Variants in TMEM232 observed in about 807,000 individuals in gnomAD.
TMEM232 encodes the protein transmembrane protein 232.
TMEM232 carries 80 observed loss-of-function variants against 78.8 expected under a neutral mutation model. That is an observed-to-expected ratio of 1.01 (90% CI 0.85 to 1.22). The LOEUF (loss-of-function observed/expected upper bound fraction) is 1.22, where lower values mean the gene tolerates loss of function less well. TMEM232 is among the 50% of genes most tolerant of loss of function. TMEM232 has a pLI of 0.00. For missense variants in TMEM232, 881 were observed against 742.2 expected, an observed-to-expected ratio of 1.19 and a Z score of -2.17; for synonymous variants, 297 against 254.3, an observed-to-expected ratio of 1.17 and a Z score of -1.60.
chr5:110,654,397 T>A (rs1225206127), intron 2 of TMEM232, among the ~76,000 whole-genome samples: 1 of 152,212 alleles, frequency 6.6e-6, no homozygotes, highest in Non-Finnish European at 1.5e-5. Flanking sequence ...CACCATTTAT[T>A]AAATAGGGAA....
At chr5:110,546,838 A>T (rs1020763704) in intron 11 of TMEM232, among the ~76,000 whole-genome samples, 4 of 152,146 alleles carry the variant, frequency 2.6e-5, no homozygotes, top group Non-Finnish European at 2.9e-5. Context: ...AAATATTATA[A>T]GTTGGTTTAA....
intron 2 of TMEM232, among the ~76,000 whole-genome samples, chr5:110,414,296 T>C (rs1457431284): frequency 6.6e-6 from 1 of 152,208 alleles, no homozygotes; most frequent in Non-Finnish European, 1.5e-5. Flanking sequence ...TATTATATTT[T>C]CTGTCCTGTT....
At chr5:110,493,621 C>T (rs1349262421) in intron 12 of TMEM232, among the ~76,000 whole-genome samples, 1 of 151,966 alleles carries the variant, frequency 6.6e-6, no homozygotes, top group African/African-American at 2.4e-5. Flanking sequence ...ATTGGCTACT[C>T]TTATGGAAAA....
chr5:110,491,602 A>G (rs1765102928), intron 12 of TMEM232, among the ~76,000 whole-genome samples: 1 of 152,052 alleles, frequency 6.6e-6, no homozygotes, highest in Non-Finnish European at 1.5e-5. Context: ...AATTGTTTTA[A>G]TATACTAAAA....
intron 12 of TMEM232, among the ~76,000 whole-genome samples, chr5:110,465,850 A>C (rs1762018028): frequency 6.6e-6 from 1 of 152,200 alleles, no homozygotes; most frequent in African/African-American, 2.4e-5. Flanking sequence ...TTATTAAGTT[A>C]GTTCTCCAAT....
intron 11 of TMEM232, among the ~76,000 whole-genome samples, chr5:110,552,594 G>A (rs1216890674): frequency 1.3e-5 from 2 of 151,938 alleles, no homozygotes; most frequent in African/African-American, 2.4e-5. Context: ...ATACTAATAT[G>A]AAAAAGATCA....
intron 5 of TMEM232, among the ~76,000 whole-genome samples, chr5:110,628,583 A>C (rs547821717): frequency 3.9e-5 from 6 of 152,178 alleles, no homozygotes; most frequent in African/African-American, 1.4e-4. Context: ...ATTATAAAAA[A>C]CACATTAACT....
intron 1 of TMEM232, among the ~76,000 whole-genome samples, chr5:110,716,330 C>T (rs542205786): frequency 2.1e-4 from 32 of 152,176 alleles, no homozygotes; most frequent in Admixed American, 7.2e-4. Flanking sequence ...ATTCCATTTA[C>T]GATGCACTTT....
At chr5:110,510,552 CCTAA>C (rs767867502) in intron 12 of TMEM232, among the ~76,000 whole-genome samples, 18 of 151,972 alleles carry the variant, frequency 1.2e-4, no homozygotes, top group Non-Finnish European at 2.4e-4. Flanking sequence ...TCATGTTCTC[CCTAA>C]CTAACAAAGC....
chr5:110,686,842 T>A (rs1258690157), intron 1 of TMEM232, among the ~76,000 whole-genome samples: 1 of 152,158 alleles, frequency 6.6e-6, no homozygotes, highest in Non-Finnish European at 1.5e-5. Flanking sequence ...TTGGGCAGCT[T>A]CACAGTCATG....
At chr5:110,668,429 C>T (rs928882098) in intron 1 of TMEM232, among the ~76,000 whole-genome samples, 1 of 152,132 alleles carries the variant, frequency 6.6e-6, no homozygotes, top group East Asian at 1.9e-4. Context: ...CAGTCATCCG[C>T]CTGTGCTACT....
chr5:110,457,092 C>T (rs1478778839), intron 12 of TMEM232, among the ~76,000 whole-genome samples: 1 of 151,998 alleles, frequency 6.6e-6, no homozygotes, highest in Non-Finnish European at 1.5e-5. Flanking sequence ...AGACATACCA[C>T]AGATAAGAAT....
intron 1 of TMEM232, among the ~76,000 whole-genome samples, chr5:110,680,599 T>C (rs1182841291): frequency 6.6e-6 from 1 of 152,146 alleles, no homozygotes; most frequent in Non-Finnish European, 1.5e-5. Context: ...CATTTTTCTA[T>C]TATTGAGTAA....
At chr5:110,670,641 G>A (rs1791236366) in intron 1 of TMEM232, among the ~76,000 whole-genome samples, 1 of 151,986 alleles carries the variant, frequency 6.6e-6, no homozygotes, top group African/African-American at 2.4e-5. Flanking sequence ...TCAGTCAGCA[G>A]CTGTGCTGAG....
Position 110,545,734 on chromosome 5 carries a change from A to T in TMEM232, c.1456-16899T>A, listed in dbSNP as rs911300048. 5.9e-5 allele frequency among the ~76,000 whole-genome samples: 9 copies of T among 152,240 alleles called. No individual in the cohort carries two copies. The East Asian group carries it at 1.5e-3, about 26-fold the overall frequency. On this transcript the variant is annotated intron_variant, in intron 11 of 13. Coordinates refer to ENST00000455884, the MANE Select transcript of TMEM232 (RefSeq NM_001039763.4). ...ATTGCACCATAAAATGTTAACCACAAAGTGCTTTACCTGATGAGTCAAAGG... is the reference window on the plus strand; with the variant it reads ...ATTGCACCATAAAATGTTAACCACATAGTGCTTTACCTGATGAGTCAAAGG...
intron 2 of TMEM232, among the ~76,000 whole-genome samples, chr5:110,648,843 TTATC>T (rs1179866708): frequency 1.3e-5 from 2 of 152,074 alleles, no homozygotes; most frequent in South Asian, 2.1e-4. Flanking sequence ...GATTTTAAGG[TTATC>T]TATCTATTAC....
At chr5:110,687,964 G>A (rs1793633379) in intron 1 of TMEM232, among the ~76,000 whole-genome samples, 1 of 152,038 alleles carries the variant, frequency 6.6e-6, no homozygotes, top group Admixed American at 6.6e-5. Context: ...AAAATGTTTG[G>A]TTTGTAAAAG....
At chr5:110,584,567 T>A (rs190009141) in intron 10 of TMEM232, among the ~76,000 whole-genome samples, 52 of 152,236 alleles carry the variant, frequency 3.4e-4, no homozygotes, top group African/African-American at 1.1e-3. Context: ...GTTCTAGAGA[T>A]CTGCTGTAAA....
intron 1 of TMEM232, among the ~76,000 whole-genome samples, chr5:110,716,264 G>A (rs1797003926): frequency 6.6e-6 from 1 of 152,112 alleles, no homozygotes. Context: ...CAGTTTGGTG[G>A]AAGAAAATTT....
Sources: gnomAD v4.1 joint callset for allele counts (sites outside exome capture counted in the v4.1 genomes callset) on GRCh38, gnomAD v4.1.1 for gene constraint, MANE v1.5 for transcripts, NCBI Gene and HGNC (gene_info 2026-07-23, HGNC 2026-07-21) for gene names.